The following ZFYVE28 variants were observed in gnomAD, a reference collection of about 807,000 sequenced individuals.
The protein encoded by ZFYVE28 is lateral signaling target protein 2 homolog.
Under a neutral mutation model 82.1 loss-of-function variants are expected in ZFYVE28, and 40 were observed. That is an observed-to-expected ratio of 0.49 (90% CI 0.38 to 0.63). ZFYVE28 has a LOEUF of 0.63. Ranked by LOEUF, ZFYVE28 falls within the 30% of genes least tolerant of loss-of-function variation. The pLI, the probability that ZFYVE28 is intolerant of heterozygous loss-of-function variation, is 0.00. For missense variants in ZFYVE28, 1,321 were observed against 1,242.1 expected (o/e 1.06, Z -0.96); for synonymous variants, 612 against 546.1 (o/e 1.12, Z -1.68).
chr4:2,370,213 T>C (rs1727385923), intron 1 of ZFYVE28, among the ~76,000 whole-genome samples: 1 of 152,116 alleles, frequency 6.6e-6, no homozygotes, highest in Non-Finnish European at 1.5e-5. Flanking sequence ...AGAATGAAGA[T>C]GCCCCTCTCC....
At chr4:2,281,285 G>A (rs956102492) in intron 8 of ZFYVE28, among the ~76,000 whole-genome samples, 1 of 152,176 alleles carries the variant, frequency 6.6e-6, no homozygotes, top group Admixed American at 6.5e-5. Flanking sequence ...ATTTCACCGA[G>A]AGCATGAGCC....
At position 2,320,793 on chromosome 4, in the gene ZFYVE28, A is replaced by G. The variant is rs564434173; in HGVS notation, c.702-522T>C. ...CACGAGACCAAAGCAGCCTCCCCTC[A>G]TCCCCCACACAGGACCCACCTCCCT... On this transcript the variant is annotated intron_variant, in intron 6 of 12. Coordinates refer to ENST00000290974, the MANE Select transcript of ZFYVE28 (RefSeq NM_020972.3). The surrounding 1 kb of genome is among the most constrained non-coding windows in gnomAD (Gnocchi z 5.1). 1.3e-5 allele frequency among the ~76,000 whole-genome samples: 2 copies of G among 151,864 alleles called. No homozygotes were observed. Among genetic ancestry groups the G allele is most frequent in the South Asian group, 4.2e-4 (2 of 4,796 alleles).
At chr4:2,273,101 A>T in intron 10 of ZFYVE28, 72 bp downstream of exon 10, 1 of 1,282,686 alleles carries the variant, frequency 7.8e-7, no homozygotes, top group Non-Finnish European at 1.1e-6. Context: ...TGGATTTCTG[A>T]GCACCCCTCC....
Position 2,271,209 on chromosome 4 carries a change from C to T in ZFYVE28, c.2532+102G>A, listed in dbSNP as rs1735875185. 10 of 1,246,574 alleles carry T rather than the reference C, an allele frequency of 8.0e-6. No individual in the cohort carries two copies. In the South Asian group the frequency reaches 9.5e-5, roughly 12 times the overall value. 77.2% of individuals were successfully genotyped at this position (1,246,574 alleles called of 1,614,324 possible). On this transcript the variant is annotated intron_variant, in intron 12 of 12. Coordinates refer to ENST00000290974, the MANE Select transcript of ZFYVE28 (RefSeq NM_020972.3). ...CCTCTGCACAAGACCCCACAGGCCT[C>T]GCTGGCCTCCCTGGGCATCGGTTCT...
rs778972500 is a variant in ZFYVE28, at chr4:2,339,438, C to G, written c.521+15G>C. The G allele has an allele frequency of 1.2e-6, 2 of 1,612,142 alleles. No individual in the cohort carries two copies. Among genetic ancestry groups the G allele is most frequent in the Non-Finnish European group, 8.5e-7 (1 of 1,179,310 alleles). ...AGCTCATACAGCCAGGGCTGTGGAC[C>G]CACAGCTGCAGTACCTGAGCTCAAA... On this transcript the variant is annotated intron_variant, in intron 4 of 12. Transcript: ENST00000290974. The surrounding 1 kb of genome is among the most constrained non-coding windows in gnomAD (Gnocchi z 5.0).
Position 2,300,506 on chromosome 4 carries a change from G to A in ZFYVE28, c.2051+3783C>T, listed in dbSNP as rs529971628. Among the ~76,000 whole-genome samples the A allele has an allele frequency of 3.9e-5, 6 of 152,268 alleles. No individual in the cohort carries two copies. The highest frequency in any genetic ancestry group is 7.2e-5 in the African/African-American group (3 of 41,548). Reference sequence around the variant, plus strand: ...GTCGAGGACGATGTCCGGACTCCCAGGTGACAGCACCTGAGGAAACGCTCC... The same window carrying A: ...GTCGAGGACGATGTCCGGACTCCCAAGTGACAGCACCTGAGGAAACGCTCC... On this transcript the variant is annotated intron_variant, in intron 8 of 12. Coordinates refer to ENST00000290974, the MANE Select transcript of ZFYVE28 (RefSeq NM_020972.3). The surrounding 1 kb of genome is among the most constrained non-coding windows in gnomAD (Gnocchi z 4.6).
intron 8 of ZFYVE28, among the ~76,000 whole-genome samples, chr4:2,301,929 G>A (rs949961368): frequency 1.3e-5 from 2 of 152,206 alleles, no homozygotes; most frequent in African/African-American, 4.8e-5. Context: ...TGTTCATCGT[G>A]GCACGTCTGT....
chr4:2,299,885 C>A (rs61789416), intron 8 of ZFYVE28, among the ~76,000 whole-genome samples: 49,215 of 151,812 alleles, frequency 0.32, 9,650 homozygotes, highest in Non-Finnish European at 0.43. Flanking sequence ...CAGTCTCCAC[C>A]TTCTGGGCTC....
intron 1 of ZFYVE28, among the ~76,000 whole-genome samples, chr4:2,391,742 T>C (rs996119120): frequency 3.4e-5 from 5 of 148,324 alleles, no homozygotes; most frequent in Admixed American, 2.0e-4. Context: ...CTCTCTCTCT[T>C]TTTTTTTTTT....
At chr4:2,308,350 C>A (rs1339107851) in intron 7 of ZFYVE28, among the ~76,000 whole-genome samples, 1 of 151,962 alleles carries the variant, frequency 6.6e-6, no homozygotes, top group Admixed American at 6.6e-5. Flanking sequence ...GAGACACACA[C>A]AGGGGTAGTC....
rs945129101 is a variant in ZFYVE28, at chr4:2,417,086, G to C, written c.39+1199C>G. 6.6e-6 allele frequency among the ~76,000 whole-genome samples: 1 copy of C among 152,246 alleles called. No homozygotes were observed. Among genetic ancestry groups the C allele is most frequent in the Non-Finnish European group, 1.5e-5 (1 of 68,040 alleles). ...AGGCGGAGGCCTGGGACGCTGGACG[G>C]AGAAAGGCGGCCAGTGGAGGGAGGA... On this transcript the variant is annotated intron_variant, in intron 1 of 12. Transcript: ENST00000290974. This position sits in a 1 kb window ranked among gnomAD's most constrained non-coding sequence, Gnocchi z 4.8.
At chr4:2,355,249 TA>T (rs1725113514) in intron 1 of ZFYVE28, among the ~76,000 whole-genome samples, 1 of 42,512 alleles carries the variant, frequency 2.4e-5, no homozygotes, top group Admixed American at 2.6e-4. Flanking sequence ...TATATATATA[TA>T]TATATATATA....
At chr4:2,363,290 C>G (rs2108895556) in intron 1 of ZFYVE28, among the ~76,000 whole-genome samples, 1 of 152,306 alleles carries the variant, frequency 6.6e-6, no homozygotes, top group Non-Finnish European at 1.5e-5. Flanking sequence ...TCCCAGCTTT[C>G]TTGCTTGCTG....
At chr4:2,392,235 G>T (rs1729918407) in intron 1 of ZFYVE28, among the ~76,000 whole-genome samples, 1 of 151,688 alleles carries the variant, frequency 6.6e-6, no homozygotes, top group Non-Finnish European at 1.5e-5. Context: ...GGGGAATAAA[G>T]CAGCTCCCTG....
rs1396673939 is a variant in ZFYVE28 at position 2,394,058 on chromosome 4, C to A, written c.39+24227G>T. On this transcript the variant is annotated intron_variant, in intron 1 of 12. Transcript: ENST00000290974. The surrounding 1 kb of genome is among the most constrained non-coding windows in gnomAD (Gnocchi z 4.0). The stretch of plus-strand genomic sequence containing the variant: ...ACAGCTACTTCCCGACGCACGGCCG[C>A]CTCCCGGACCTTCAGAGCCAGCGGC... Among the ~76,000 whole-genome samples, 1 of 152,170 alleles carries A rather than the reference C, an allele frequency of 6.6e-6. No homozygotes were observed. Among genetic ancestry groups the A allele is most frequent in the Non-Finnish European group, 1.5e-5 (1 of 68,020 alleles).
rs557767212 is a variant in ZFYVE28, at chr4:2,310,266, T to C, written c.804-4730A>G. ...ATTGCCCAGGTTGGTCCCAAACTCC[T>C]GGGCTCAAGCGATCCTCCTGCCTCA... On this transcript the variant is annotated intron_variant, in intron 7 of 12. Transcript: ENST00000290974. Among the ~76,000 whole-genome samples, 4 of 152,262 alleles carry C rather than the reference T, an allele frequency of 2.6e-5. No homozygotes were observed. The South Asian group carries it at 8.3e-4, about 32-fold the overall frequency.
At chr4:2,333,989 C>T (rs944616045) in intron 6 of ZFYVE28, among the ~76,000 whole-genome samples, 1 of 152,138 alleles carries the variant, frequency 6.6e-6, no homozygotes, top group Non-Finnish European at 1.5e-5. Context: ...AGGACACTTC[C>T]CTCCAAGCCA....
At chr4:2,389,453 G>A (rs911356515) in intron 1 of ZFYVE28, among the ~76,000 whole-genome samples, 2 of 152,214 alleles carry the variant, frequency 1.3e-5, no homozygotes. Context: ...GGCTCAGCCT[G>A]CTAGAGCCCC....
chr4:2,304,254 G>T, intron 8 of ZFYVE28, 35 bp downstream of exon 8: 3 of 1,526,550 alleles, frequency 2.0e-6, no homozygotes, highest in Non-Finnish European at 2.6e-6. Flanking sequence ...GTGCAGAGAG[G>T]ACAAACCCAG....
Sources: allele counts gnomAD v4.1 joint callset (sites outside exome capture counted in the v4.1 genomes callset), GRCh38; gene constraint gnomAD v4.1.1; non-coding constraint Gnocchi (gnomAD v3.1); transcripts MANE v1.5; gene names NCBI Gene and HGNC (gene_info 2026-07-23, HGNC 2026-07-21).